The following TCF7L2 variants were observed in gnomAD, a reference collection of about 807,000 sequenced individuals.
The protein encoded by TCF7L2 is transcription factor 7-like 2.
TCF7L2 carries 23 observed loss-of-function variants against 77.9 expected under a neutral mutation model. The observed-to-expected ratio is 0.30, with a 90% CI of 0.21 to 0.42. The LOEUF (loss-of-function observed/expected upper bound fraction) is 0.42, where lower values mean the gene tolerates loss of function less well. Among genes scored for constraint, TCF7L2 ranks in the 10% least tolerant of loss-of-function variants. The probability of loss-of-function intolerance (pLI) is 1.00; values close to 1 mark genes in which losing one functional copy is unlikely to be tolerated. For synonymous variants in TCF7L2, 413 were observed against 340.2 expected (o/e 1.21, Z -2.36); for missense variants, 654 against 793.1 (o/e 0.82, Z 2.11).
chr10:112,982,769 C>T lies in TCF7L2; in HGVS notation c.450+18145C>T, dbSNP rs2040719039. 2.0e-5 allele frequency among the ~76,000 whole-genome samples: 3 copies of T among 152,106 alleles called. No individual in the cohort carries two copies. The South Asian group carries it at 6.2e-4, about 32-fold the overall frequency. ...CCTCCCGAGTAGCTGGGACTACAGGCACGCACTACCACGCCCGGCTAATTT... is the reference window on the plus strand; with the variant it reads ...CCTCCCGAGTAGCTGGGACTACAGGTACGCACTACCACGCCCGGCTAATTT... On this transcript the variant is annotated intron_variant, in intron 4 of 13. Transcript: ENST00000627217.
intron 4 of TCF7L2, among the ~76,000 whole-genome samples, chr10:112,997,964 G>A (rs2043796217): frequency 1.3e-5 from 2 of 152,034 alleles, no homozygotes; most frequent in Admixed American, 1.3e-4. Flanking sequence ...TGCAAAAGAT[G>A]ATTAATTAAT....
intron 4 of TCF7L2, among the ~76,000 whole-genome samples, chr10:112,994,086 C>G (rs1344735630): frequency 6.6e-6 from 1 of 151,682 alleles, no homozygotes; most frequent in Non-Finnish European, 1.5e-5. Flanking sequence ...AGCAGCTCTA[C>G]TGAGATATTT....
Position 112,950,683 on chromosome 10 carries a change from T to G in TCF7L2, c.-74T>G, listed in dbSNP as rs1440186126. 3 of 1,507,326 alleles carry G rather than the reference T, an allele frequency of 2.0e-6. No individual in the cohort carries two copies. The East Asian group carries it at 7.5e-5, about 38-fold the overall frequency. The allele number at this position is 1,507,326 out of a possible 1,614,324, so 93.4% of individuals were successfully genotyped here. On this transcript the variant is annotated 5_prime_UTR_variant, in exon 1 of 14. Coordinates refer to ENST00000627217, the MANE Select transcript of TCF7L2 (RefSeq NM_001146274.2). ...TATTTTTTGGGGGGGCAAAACTTTT[T>G]GGGGGTGATTTTTTTTGGCTTTTCT...
At chr10:113,083,345 C>T (rs1173527410) in intron 5 of TCF7L2, among the ~76,000 whole-genome samples, 1 of 151,838 alleles carries the variant, frequency 6.6e-6, no homozygotes, top group Non-Finnish European at 1.5e-5. Context: ...TTGCCACTCA[C>T]ACATGCTCAC....
intron 5 of TCF7L2, among the ~76,000 whole-genome samples, chr10:113,116,321 A>G (rs945452890): frequency 2.6e-5 from 4 of 152,224 alleles, no homozygotes; most frequent in Non-Finnish European, 5.9e-5. Context: ...AATTCCTAAA[A>G]GCACAATAGG....
At position 113,165,966 on chromosome 10, in the gene TCF7L2, A is replaced by G; in HGVS notation, c.1803A>G (p.Leu601=). The change falls in exon 14 of 14, where the codon TTA becomes TTG. Residue 601 remains leucine (L), a synonymous_variant. Coordinates refer to ENST00000627217, the MANE Select transcript of TCF7L2 (RefSeq NM_001146274.2). ...CGCTGTCGCTCGTCACCAAGTCTTT[A>G]GAATAGCTTTAGCGTCGTGAACCCC... The G allele has an allele frequency of 2.0e-6, 3 of 1,522,072 alleles. No individual in the cohort carries two copies. Among genetic ancestry groups the G allele is most frequent in the Non-Finnish European group, 2.6e-6 (3 of 1,133,652 alleles). 94.3% of individuals were successfully genotyped at this position (1,522,072 alleles called of 1,614,324 possible). A position where few individuals can be genotyped will look rare whatever the true frequency, so the allele number is the denominator to read the frequency against.
chr10:112,959,032 G>A (rs1435417388), intron 3 of TCF7L2, among the ~76,000 whole-genome samples: 1 of 152,094 alleles, frequency 6.6e-6, no homozygotes, highest in Non-Finnish European at 1.5e-5. Context: ...TACAAGAGCA[G>A]GAAACTTGAT....
intron 6 of TCF7L2, among the ~76,000 whole-genome samples, chr10:113,142,641 T>C (rs2068581098): frequency 6.6e-6 from 1 of 152,224 alleles, no homozygotes; most frequent in African/African-American, 2.4e-5. Context: ...AGCTGGGTTT[T>C]ACTGGTCTCT....
intron 5 of TCF7L2, among the ~76,000 whole-genome samples, chr10:113,140,057 C>T (rs1184119677): frequency 1.3e-5 from 2 of 152,198 alleles, no homozygotes; most frequent in Non-Finnish European, 2.9e-5. Flanking sequence ...GCCTCTTTAT[C>T]TTCGCTGGTA....
intron 3 of TCF7L2, among the ~76,000 whole-genome samples, chr10:112,952,627 A>G (rs1034499887): frequency 1.3e-5 from 2 of 152,040 alleles, no homozygotes; most frequent in East Asian, 2.0e-4. Context: ...GCCAGAGACC[A>G]GGGTGTGCGG....
At chr10:112,983,100 G>A (rs946887852) in intron 4 of TCF7L2, among the ~76,000 whole-genome samples, 1 of 151,966 alleles carries the variant, frequency 6.6e-6, no homozygotes, top group Non-Finnish European at 1.5e-5. Context: ...CCTTTTGGTT[G>A]TAACGTCTGC....
At chr10:113,077,903 T>TTATC (rs990865460) in intron 5 of TCF7L2, among the ~76,000 whole-genome samples, 1 of 139,238 alleles carries the variant, frequency 7.2e-6, no homozygotes, top group Non-Finnish European at 1.6e-5. Flanking sequence ...ATTTATTTAT[T>TTATC]TATTGTATTT....
chr10:113,135,455 G>C (rs2067260553), intron 5 of TCF7L2, among the ~76,000 whole-genome samples: 1 of 152,224 alleles, frequency 6.6e-6, no homozygotes, highest in Non-Finnish European at 1.5e-5. Flanking sequence ...GCTTGGCTTT[G>C]CCAAAGAGCG....
In TCF7L2 at chr10:113,072,656, A is replaced by G. The variant is rs560934630; in HGVS notation, c.552+32530A>G. ...AGGCGTGAGCCACTACACCCAGCCA[A>G]TCAGTTGCTTTTAAACTACTTAAAT... On this transcript the variant is annotated intron_variant, in intron 5 of 13. Transcript: ENST00000627217. Among the ~76,000 whole-genome samples the G allele has an allele frequency of 9.8e-5, 15 of 152,330 alleles. No individual in the cohort carries two copies. In the South Asian group the frequency reaches 2.5e-3, roughly 25 times the overall value.
chr10:113,123,727 A>AT (rs946603886), intron 5 of TCF7L2, among the ~76,000 whole-genome samples: 2 of 152,150 alleles, frequency 1.3e-5, no homozygotes, highest in African/African-American at 4.8e-5. Flanking sequence ...ATTTTGATCC[A>AT]TTTTTTAAAA....
chr10:113,132,845 A>G (rs112802057), intron 5 of TCF7L2: 5,613 of 152,270 alleles, frequency 0.037, 154 homozygotes, highest in Non-Finnish European at 0.053. Context: ...CTGGTTCTTC[A>G]TCCCTGAGAC....
At position 113,151,944 on chromosome 10, in the gene TCF7L2, C is replaced by A. The variant is rs2137161315; in HGVS notation, c.1161+60C>A. 3 of 1,542,688 alleles carry A rather than the reference C, an allele frequency of 1.9e-6. No homozygotes were observed. The highest frequency in any genetic ancestry group is 2.6e-6 in the Non-Finnish European group (3 of 1,151,472). On this transcript the variant is annotated intron_variant, in intron 10 of 13. Coordinates refer to ENST00000627217, the MANE Select transcript of TCF7L2 (RefSeq NM_001146274.2). The surrounding 1 kb of genome is among the most constrained non-coding windows in gnomAD (Gnocchi z 5.2). Reference sequence around the variant, plus strand: ...CGGGTGGTGAGGGACCAGAGTGCAGCAGGTCAGGTGGCAGAATGTCTCTGT... The same window carrying A: ...CGGGTGGTGAGGGACCAGAGTGCAGAAGGTCAGGTGGCAGAATGTCTCTGT...
chr10:113,036,783 T>A (rs2051353057), intron 4 of TCF7L2, among the ~76,000 whole-genome samples: 1 of 152,176 alleles, frequency 6.6e-6, no homozygotes, highest in Non-Finnish European at 1.5e-5. Context: ...TTGAAAAGTT[T>A]AATGTTTTTG....
At chr10:112,969,549 T>C (rs916316697) in intron 4 of TCF7L2, among the ~76,000 whole-genome samples, 1 of 152,276 alleles carries the variant, frequency 6.6e-6, no homozygotes, top group Admixed American at 6.5e-5. Flanking sequence ...AGTCTTGCAC[T>C]GACCTTCTGA....
Sources: allele counts gnomAD v4.1 joint callset (sites outside exome capture counted in the v4.1 genomes callset), GRCh38; gene constraint gnomAD v4.1.1; non-coding constraint Gnocchi (gnomAD v3.1); transcripts MANE v1.5; gene names NCBI Gene and HGNC (gene_info 2026-07-23, HGNC 2026-07-21).